CSMD1: variants seen among roughly 807,000 people sequenced by gnomAD.
CSMD1 encodes CUB and sushi domain-containing protein 1.
A neutral mutation model predicts 417.5 loss-of-function variants in CSMD1; 213 were observed. The ratio of observed to expected loss-of-function variants is 0.51; its 90% CI spans 0.46 to 0.57. The LOEUF (loss-of-function observed/expected upper bound fraction) is 0.57. CSMD1 is among the 20% of genes least tolerant of loss of function. The pLI is 0.00. For synonymous variants in CSMD1, 2,862 were observed against 1,736.8 expected, an observed-to-expected ratio of 1.65 and a Z score of -16.11; for missense variants, 6,923 against 4,529.7, an observed-to-expected ratio of 1.53 and a Z score of -15.17.
At chr8:3,026,559 C>G (rs891756881) in intron 51 of CSMD1, among the ~76,000 whole-genome samples, 2 of 151,850 alleles carry the variant, frequency 1.3e-5, no homozygotes, top group African/African-American at 4.8e-5. Context: ...ACTGACTTCA[C>G]TGGACCTCAC....
chr8:4,460,539 C>A (rs1025558694), intron 2 of CSMD1, among the ~76,000 whole-genome samples: 1 of 151,836 alleles, frequency 6.6e-6, no homozygotes, highest in African/African-American at 2.4e-5. Context: ...AATTTTTAAA[C>A]CTTCTACAAA....
intron 9 of CSMD1, among the ~76,000 whole-genome samples, chr8:3,575,975 ATGTAAGAGAACTTCTGC>A (rs962131630): frequency 4.7e-5 from 7 of 150,526 alleles, no homozygotes; most frequent in African/African-American, 1.7e-4. Context: ...GAAGAAATTA[ATGTAAGAGAACTTCTGC>A]TTCATTTTCC....
At chr8:3,651,412 G>C (rs1326639046) in intron 7 of CSMD1, among the ~76,000 whole-genome samples, 1 of 152,062 alleles carries the variant, frequency 6.6e-6, no homozygotes, top group Non-Finnish European at 1.5e-5. Flanking sequence ...CCTTCATGGA[G>C]TACCTCGAAC....
chr8:4,701,348 T>G (rs749521256), intron 1 of CSMD1, among the ~76,000 whole-genome samples: 3 of 151,816 alleles, frequency 2.0e-5, no homozygotes, highest in Non-Finnish European at 4.4e-5. Flanking sequence ...CTTAAGAACT[T>G]ACTACTCCTT....
intron 3 of CSMD1, among the ~76,000 whole-genome samples, chr8:4,218,336 A>T (rs1800808971): frequency 6.6e-6 from 1 of 152,180 alleles, no homozygotes; most frequent in African/African-American, 2.4e-5. Flanking sequence ...AATGCAGAAT[A>T]TTCAAACTGT....
intron 5 of CSMD1, among the ~76,000 whole-genome samples, chr8:3,757,274 G>C (rs1214384164): frequency 6.6e-6 from 1 of 152,174 alleles, no homozygotes; most frequent in African/African-American, 2.4e-5. Flanking sequence ...AAGGGCCAGG[G>C]AGTACGTACG....
intron 26 of CSMD1, among the ~76,000 whole-genome samples, chr8:3,261,306 G>T (rs181673505): frequency 6.6e-6 from 1 of 152,148 alleles, no homozygotes; most frequent in Non-Finnish European, 1.5e-5. Context: ...AAATTATTTG[G>T]CAGTTAAAAG....
chr8:3,774,968 C>T (rs915418692), intron 5 of CSMD1, among the ~76,000 whole-genome samples: 1 of 152,048 alleles, frequency 6.6e-6, no homozygotes, highest in Admixed American at 6.6e-5. Flanking sequence ...ATATACACAG[C>T]AATGCACTGG....
intron 3 of CSMD1, among the ~76,000 whole-genome samples, chr8:4,322,121 G>C (rs1394765915): frequency 6.6e-6 from 1 of 151,920 alleles, no homozygotes; most frequent in Non-Finnish European, 1.5e-5. Flanking sequence ...ATAAAATATT[G>C]GATCATTTTA....
chr8:3,368,191 GTTC>G (rs1197123093), intron 19 of CSMD1, among the ~76,000 whole-genome samples: 5 of 152,120 alleles, frequency 3.3e-5, no homozygotes, highest in East Asian at 1.9e-4. Context: ...TTCAGGGCAA[GTTC>G]TTCTTTCATG....
chr8:3,163,347 A>G (rs536041563), intron 37 of CSMD1, among the ~76,000 whole-genome samples: 1 of 151,816 alleles, frequency 6.6e-6, no homozygotes, highest in East Asian at 2.0e-4. Context: ...AGATTACTTA[A>G]TTGACTGGGA....
intron 49 of CSMD1, among the ~76,000 whole-genome samples, chr8:3,062,903 T>C (rs143422506): frequency 1.3e-5 from 2 of 152,232 alleles, no homozygotes; most frequent in East Asian, 1.9e-4. Context: ...AAGAGACAGG[T>C]ACAAACATTT....
At chr8:3,347,069 T>C (rs1485178042) in intron 22 of CSMD1, among the ~76,000 whole-genome samples, 2 of 152,228 alleles carry the variant, frequency 1.3e-5, no homozygotes, top group East Asian at 1.9e-4. Context: ...TAAAGATAAC[T>C]GATAAGCTTA....
intron 1 of CSMD1, among the ~76,000 whole-genome samples, chr8:4,725,803 C>G (rs1425337143): frequency 6.6e-6 from 1 of 152,108 alleles, no homozygotes; most frequent in Non-Finnish European, 1.5e-5. Flanking sequence ...AGCCTAGCTG[C>G]TCGGTTGGAA....
chr8:4,214,640 G>T (rs1010466199), intron 3 of CSMD1, among the ~76,000 whole-genome samples: 1 of 152,082 alleles, frequency 6.6e-6, no homozygotes, highest in Non-Finnish European at 1.5e-5. Flanking sequence ...GTATGTATTT[G>T]CATGCACGTG....
intron 2 of CSMD1, among the ~76,000 whole-genome samples, chr8:4,515,550 G>C (rs1416656020): frequency 6.6e-6 from 1 of 152,160 alleles, no homozygotes; most frequent in Non-Finnish European, 1.5e-5. Flanking sequence ...AATTGAGTAA[G>C]GATAAACCCA....
chr8:4,522,600 A>G (rs1182155625), intron 2 of CSMD1, among the ~76,000 whole-genome samples: 4 of 152,192 alleles, frequency 2.6e-5, no homozygotes, highest in African/African-American at 9.6e-5. Context: ...TTGATAAGAG[A>G]CAGAATTTAG....
chr8:4,917,212 A>G (rs1397596211), intron 1 of CSMD1, among the ~76,000 whole-genome samples: 1 of 152,196 alleles, frequency 6.6e-6, no homozygotes, highest in Non-Finnish European at 1.5e-5. Flanking sequence ...ACTTTAAAAT[A>G]AGCAGATCTC....
At chr8:3,970,970 C>A (rs181893367) in intron 5 of CSMD1, among the ~76,000 whole-genome samples, 1 of 152,026 alleles carries the variant, frequency 6.6e-6, no homozygotes, top group African/African-American at 2.4e-5. Context: ...GGGCTGGTCT[C>A]GAAGTCCTGA....
Sources: allele counts gnomAD v4.1 joint callset (sites outside exome capture counted in the v4.1 genomes callset), GRCh38; gene constraint gnomAD v4.1.1; transcripts MANE v1.5; gene names NCBI Gene and HGNC (gene_info 2026-07-23, HGNC 2026-07-21).